SFMBT1: variants seen among roughly 807,000 people sequenced by gnomAD.
SFMBT1 encodes Scm like with four mbt domains 1.
In SFMBT1, 32 loss-of-function variants were observed where a neutral mutation model predicts 108.7. The observed-to-expected ratio is 0.29, with a 90% CI of 0.22 to 0.40. The LOEUF is 0.40. SFMBT1 is among the 10% of genes least tolerant of loss of function. SFMBT1 has a pLI of 1.00. For synonymous variants in SFMBT1, 348 were observed against 369.5 expected, an observed-to-expected ratio of 0.94 and a Z score of 0.67; for missense variants, 816 against 1,059.6, an observed-to-expected ratio of 0.77 and a Z score of 3.19.
chr3:52,952,982 C>A (rs1703646891), intron 3 of SFMBT1, among the ~76,000 whole-genome samples: 1 of 152,162 alleles, frequency 6.6e-6, no homozygotes, highest in African/African-American at 2.4e-5. Context: ...AGGGCCCTCA[C>A]CAGAAAGCAG....
intron 4 of SFMBT1, among the ~76,000 whole-genome samples, chr3:52,941,817 T>C (rs529690103): frequency 1.1e-4 from 17 of 152,170 alleles, no homozygotes; most frequent in African/African-American, 3.4e-4. Context: ...GAGAATCACT[T>C]GAACCTGGGA....
In SFMBT1 at chr3:52,916,225, A is replaced by G. The variant is rs1165907174; in HGVS notation, c.1416-11T>C. 6.2e-7 allele frequency: 1 copy of G among 1,610,692 alleles called. No individual in the cohort carries two copies. Among genetic ancestry groups the G allele is most frequent in the Non-Finnish European group, 8.5e-7 (1 of 1,177,176 alleles). ...CTCGAGGATGGTACTCTGGGTCAAG[A>G]AAACACAGTAAAATAGTGAGATAAT... is the stretch of plus-strand genomic sequence containing the variant. On this transcript the variant is annotated splice_polypyrimidine_tract_variant and intron_variant, in intron 13 of 20. Coordinates refer to ENST00000394752, the MANE Select transcript of SFMBT1 (RefSeq NM_016329.4).
chr3:52,974,784 G>C (rs1027259111), intron 1 of SFMBT1, among the ~76,000 whole-genome samples: 1 of 143,934 alleles, frequency 6.9e-6, no homozygotes, highest in Non-Finnish European at 1.5e-5. Context: ...GAGCTCACGA[G>C]TTCGAGATAA....
chr3:52,966,005 CAAAAA>C (rs775989805), intron 2 of SFMBT1, among the ~76,000 whole-genome samples: 30 of 55,044 alleles, frequency 5.5e-4, no homozygotes, highest in Non-Finnish European at 5.5e-4. Flanking sequence ...GACTCCGTTT[CAAAAA>C]AAAAAAAAAA....
At chr3:53,029,171 C>CAAAAA (rs60211879) in intron 1 of SFMBT1, among the ~76,000 whole-genome samples, 4 of 49,052 alleles carry the variant, frequency 8.2e-5, no homozygotes, top group East Asian at 5.9e-4. Flanking sequence ...GACTCCGTCT[C>CAAAAA]AAAAAAAAAA....
intron 10 of SFMBT1, among the ~76,000 whole-genome samples, chr3:52,925,145 C>A (rs553358127): frequency 1.6e-3 from 247 of 152,172 alleles, no homozygotes; most frequent in South Asian, 4.0e-3. Flanking sequence ...CTCTTGAACC[C>A]GGGAGGCGGA....
chr3:52,985,104 G>A (rs1040338381), intron 1 of SFMBT1, among the ~76,000 whole-genome samples: 1 of 152,012 alleles, frequency 6.6e-6, no homozygotes, highest in African/African-American at 2.4e-5. Flanking sequence ...TTATTTATGG[G>A]AGCCAGTAAC....
chr3:52,927,712 T>C (rs577045470), intron 9 of SFMBT1, among the ~76,000 whole-genome samples: 1 of 152,314 alleles, frequency 6.6e-6, no homozygotes, highest in South Asian at 2.1e-4. Flanking sequence ...TGAGTTCTAC[T>C]CTTCACCATA....
intron 8 of SFMBT1, among the ~76,000 whole-genome samples, chr3:52,928,879 A>T (rs935040391): frequency 9.3e-5 from 14 of 149,840 alleles, no homozygotes; most frequent in African/African-American, 3.4e-4. Context: ...AATTTTTTTT[A>T]ATTTTTGTAG....
At chr3:52,912,395 G>T in intron 16 of SFMBT1, 143 bp downstream of exon 16, 2 of 572,062 alleles carry the variant, frequency 3.5e-6, no homozygotes, top group Non-Finnish European at 6.4e-6. Flanking sequence ...GACCAGGCTG[G>T]TCTTGAACTC....
At chr3:52,938,891 G>T (rs2581801) in intron 4 of SFMBT1, among the ~76,000 whole-genome samples, 111,365 of 152,104 alleles carry the variant, frequency 0.73, 40,996 homozygotes, top group South Asian at 0.88. Context: ...CCTAGTGGAC[G>T]CCTTAGGAAG....
At position 53,035,507 on chromosome 3, in the gene SFMBT1, T is replaced by C. The variant is rs144920466; in HGVS notation, c.-131+10309A>G. Among the ~76,000 whole-genome samples the C allele has an allele frequency of 2.2e-3, 338 of 152,326 alleles. 1 individual carries two copies. The highest frequency in any genetic ancestry group is 7.1e-3 in the African/African-American group (297 of 41,566). Reference sequence around the variant, plus strand: ...TGAATAAGCCTACTACATTGATAAATGAACAAAACAAAAACAGTAAAACTA... The same window carrying C: ...TGAATAAGCCTACTACATTGATAAACGAACAAAACAAAAACAGTAAAACTA... On this transcript the variant is annotated intron_variant, in intron 1 of 20. Coordinates refer to ENST00000394752, the MANE Select transcript of SFMBT1 (RefSeq NM_016329.4).
chr3:52,917,294 T>G (rs1470362886), intron 13 of SFMBT1, among the ~76,000 whole-genome samples: 1 of 152,186 alleles, frequency 6.6e-6, no homozygotes, highest in Non-Finnish European at 1.5e-5. Context: ...TGTAACTGTA[T>G]TCGAAGATAG....
At chr3:52,923,484 C>T (rs551602600) in intron 10 of SFMBT1, among the ~76,000 whole-genome samples, 58 of 151,384 alleles carry the variant, frequency 3.8e-4, no homozygotes, top group African/African-American at 1.3e-3. Context: ...CTCTTGAACC[C>T]GGGAGGTGGA....
At chr3:52,905,316 A>G (rs200295151) in intron 20 of SFMBT1, 40 bp from the exon 21 acceptor site, 72 of 1,593,116 alleles carry the variant, frequency 4.5e-5, no homozygotes, top group Non-Finnish European at 5.9e-5. Context: ...TGATGTGCAC[A>G]TGAAAGGCAG....
chr3:53,037,096 GA>G (rs1699892631), intron 1 of SFMBT1, among the ~76,000 whole-genome samples: 2 of 152,244 alleles, frequency 1.3e-5, no homozygotes, highest in Non-Finnish European at 2.9e-5. Context: ...AAAGTCAATA[GA>G]AAGCCAAAAA....
In SFMBT1 at chr3:52,932,292, T is replaced by C; in HGVS notation, c.470A>G (p.Asn157Ser). Residue 157 changes from asparagine (N) to serine (S), a missense_variant, in exon 6 of 21, where the codon AAT becomes AGT. Around this residue, in one of 5 missense-constraint regions of SFMBT1, gnomAD observed 495 missense variants for 607.4 expected, o/e 0.81. Coordinates refer to ENST00000394752, the MANE Select transcript of SFMBT1 (RefSeq NM_016329.4). ...PLLEGLRNGR[N>S]PLDLIAPGSR... is the part of the protein sequence containing the mutation. ...TCCTGGAGCAATGAGATCTAAAGGA[T>C]TCCTCCCATTACGGAGCTGTAGGAT... 1 of 1,614,082 alleles carries C rather than the reference T, an allele frequency of 6.2e-7. No homozygotes were observed. Among genetic ancestry groups the C allele is most frequent in the Non-Finnish European group, 8.5e-7 (1 of 1,179,992 alleles).
intron 8 of SFMBT1, 93 bp downstream of exon 8, chr3:52,930,236 G>T: frequency 1.3e-6 from 1 of 765,144 alleles, no homozygotes; most frequent in Non-Finnish European, 2.3e-6. Context: ...AAAATGGGTT[G>T]GATCAATAGA....
intron 4 of SFMBT1, among the ~76,000 whole-genome samples, chr3:52,938,984 T>C (rs1559518590): frequency 6.6e-6 from 1 of 152,218 alleles, no homozygotes; most frequent in Non-Finnish European, 1.5e-5. Flanking sequence ...TCAGTTTGGC[T>C]AGATATAAAA....
Sources: allele counts gnomAD v4.1 joint callset (sites outside exome capture counted in the v4.1 genomes callset), GRCh38; gene constraint gnomAD v4.1.1; regional missense constraint gnomAD v4.1.1; transcripts MANE v1.5; gene names NCBI Gene and HGNC (gene_info 2026-07-23, HGNC 2026-07-21).